The following ZMAT4 variants were observed in gnomAD, a reference collection of about 807,000 sequenced individuals.
The protein encoded by ZMAT4 is zinc finger matrin-type 4.
A neutral mutation model predicts 28.7 loss-of-function variants in ZMAT4; 17 were observed. The observed-to-expected ratio is 0.59, with a 90% CI of 0.41 to 0.89. The LOEUF (loss-of-function observed/expected upper bound fraction) is 0.89, where lower values mean the gene tolerates loss of function less well. Ranked by LOEUF, ZMAT4 falls within the 40% of genes least tolerant of loss-of-function variation. The pLI is 0.00. For missense variants in ZMAT4, 240 were observed against 283.8 expected, an observed-to-expected ratio of 0.85 and a Z score of 1.11; for synonymous variants, 117 against 109.2, an observed-to-expected ratio of 1.07 and a Z score of -0.44.
At chr8:40,566,647 T>C (rs570586139) in intron 6 of ZMAT4, among the ~76,000 whole-genome samples, 3 of 152,282 alleles carry the variant, frequency 2.0e-5, no homozygotes, top group Middle Eastern at 6.8e-3. Flanking sequence ...TGGAGGATAC[T>C]GAAAAATCTG....
At chr8:40,536,699 C>T (rs1802857993) in intron 6 of ZMAT4, among the ~76,000 whole-genome samples, 1 of 152,026 alleles carries the variant, frequency 6.6e-6, no homozygotes. Flanking sequence ...TTGGTGGAAA[C>T]CTGCTTCTTC....
chr8:40,814,922 C>A (rs1439917865), intron 2 of ZMAT4, among the ~76,000 whole-genome samples: 1 of 152,070 alleles, frequency 6.6e-6, no homozygotes, highest in Non-Finnish European at 1.5e-5. Flanking sequence ...GAACAAATAC[C>A]AAAATATATC....
chr8:40,565,770 T>TC (rs1803903014), intron 6 of ZMAT4, among the ~76,000 whole-genome samples: 1 of 151,542 alleles, frequency 6.6e-6, no homozygotes, highest in Non-Finnish European at 1.5e-5. Context: ...TTTTTTTTTT[T>TC]TTTAATAAGA....
intron 3 of ZMAT4, among the ~76,000 whole-genome samples, chr8:40,748,650 A>G (rs1812335181): frequency 2.0e-5 from 3 of 152,192 alleles, no homozygotes; most frequent in Non-Finnish European, 4.4e-5. Context: ...TACTCTTTGT[A>G]TTCGTTTAGC....
chr8:40,653,362 C>G (rs377090831), intron 5 of ZMAT4, among the ~76,000 whole-genome samples: 2 of 151,652 alleles, frequency 1.3e-5, no homozygotes, highest in East Asian at 3.9e-4. Context: ...GAGCAAAATA[C>G]TCAATGAAAA....
intron 2 of ZMAT4, among the ~76,000 whole-genome samples, chr8:40,809,430 C>T (rs940046179): frequency 1.3e-5 from 2 of 152,126 alleles, no homozygotes; most frequent in African/African-American, 4.8e-5. Flanking sequence ...GCAATATACT[C>T]ATGTAACAAA....
chr8:40,722,100 G>A (rs542692126), intron 3 of ZMAT4, among the ~76,000 whole-genome samples: 4 of 152,026 alleles, frequency 2.6e-5, no homozygotes, highest in African/African-American at 7.2e-5. Flanking sequence ...TTGCCATTCA[G>A]GACATAGGCA....
chr8:40,732,382 T>G (rs1811577778), intron 3 of ZMAT4, among the ~76,000 whole-genome samples: 1 of 152,124 alleles, frequency 6.6e-6, no homozygotes, highest in African/African-American at 2.4e-5. Flanking sequence ...GGCACACACT[T>G]GGCACCAGAC....
At chr8:40,576,543 A>C (rs1804270206) in intron 6 of ZMAT4, among the ~76,000 whole-genome samples, 1 of 152,026 alleles carries the variant, frequency 6.6e-6, no homozygotes, top group African/African-American at 2.4e-5. Flanking sequence ...AAAAAAAAAA[A>C]AAACTGTCAG....
chr8:40,661,337 C>T (rs1808186645), intron 5 of ZMAT4, among the ~76,000 whole-genome samples: 1 of 152,190 alleles, frequency 6.6e-6, no homozygotes, highest in Non-Finnish European at 1.5e-5. Context: ...TGACCCCAGG[C>T]AATCCACCTG....
intron 3 of ZMAT4, among the ~76,000 whole-genome samples, chr8:40,766,221 TA>T (rs1813153104): frequency 6.6e-6 from 1 of 152,242 alleles, no homozygotes; most frequent in South Asian, 2.1e-4. Flanking sequence ...AGGATGTTAA[TA>T]AACACTTATG....
intron 3 of ZMAT4, among the ~76,000 whole-genome samples, chr8:40,729,177 T>C (rs1585952616): frequency 6.6e-6 from 1 of 152,164 alleles, no homozygotes; most frequent in South Asian, 2.1e-4. Flanking sequence ...TCATGACCCA[T>C]CTAATTGTAA....
intron 1 of ZMAT4, among the ~76,000 whole-genome samples, chr8:40,883,995 C>T (rs1226029352): frequency 6.6e-6 from 1 of 152,146 alleles, no homozygotes; most frequent in African/African-American, 2.4e-5. Context: ...CGGCAGAAAC[C>T]TTTTAATTTT....
intron 3 of ZMAT4, among the ~76,000 whole-genome samples, chr8:40,735,018 T>C (rs1811702381): frequency 6.6e-6 from 1 of 152,214 alleles, no homozygotes; most frequent in Admixed American, 6.5e-5. Flanking sequence ...ATGACTAAAA[T>C]GGCTGGTGTG....
intron 1 of ZMAT4, among the ~76,000 whole-genome samples, chr8:40,889,839 C>G (rs909328000): frequency 1.3e-5 from 2 of 152,178 alleles, no homozygotes; most frequent in Non-Finnish European, 2.9e-5. Flanking sequence ...TTGCACATCT[C>G]TAACTATTTC....
chr8:40,652,714 A>G (rs1013115730), intron 5 of ZMAT4, among the ~76,000 whole-genome samples: 2 of 104,122 alleles, frequency 1.9e-5, no homozygotes, highest in Non-Finnish European at 4.3e-5. Flanking sequence ...CTGGATTAAG[A>G]AAATGTAGCA....
Position 40,639,625 on chromosome 8 carries a change from A to AACACACAC in ZMAT4, c.577+35071_577+35078dup, listed in dbSNP as rs60100252. ...GGGAAAGTGGGTGACAGAAGGCAAG[A>AACACACAC]ACACACACACACACACACACACACT... On this transcript the variant is annotated intron_variant, in intron 5 of 6. Coordinates refer to ENST00000297737, the MANE Select transcript of ZMAT4 (RefSeq NM_024645.3). Among the ~76,000 whole-genome samples the AACACACAC allele has an allele frequency of 1.9e-4, 28 of 149,962 alleles. 1 individual carries two copies. Among genetic ancestry groups the AACACACAC allele is most frequent in the East Asian group, 1.4e-3 (7 of 5,106 alleles).
chr8:40,630,121 C>A (rs1806521726), intron 5 of ZMAT4, among the ~76,000 whole-genome samples: 1 of 152,168 alleles, frequency 6.6e-6, no homozygotes, highest in Non-Finnish European at 1.5e-5. Context: ...CTGAAATGTC[C>A]AACCCTCAAC....
chr8:40,851,980 T>G (rs1321407767), intron 1 of ZMAT4, among the ~76,000 whole-genome samples: 2 of 152,178 alleles, frequency 1.3e-5, no homozygotes. Flanking sequence ...CACTGCAGCC[T>G]CCGCCTCCAG....
Sources: gnomAD v4.1 joint callset for allele counts (sites outside exome capture counted in the v4.1 genomes callset) on GRCh38, gnomAD v4.1.1 for gene constraint, MANE v1.5 for transcripts, NCBI Gene and HGNC (gene_info 2026-07-23, HGNC 2026-07-21) for gene names.